The following EIF4B variants were observed in gnomAD, a reference collection of about 807,000 sequenced individuals.
EIF4B encodes the protein eukaryotic translation initiation factor 4B.
In EIF4B, 8 loss-of-function variants were observed where a neutral mutation model predicts 79.3. That is an observed-to-expected ratio of 0.10 (90% confidence interval 0.06 to 0.18). EIF4B has a LOEUF of 0.18. Among genes scored for constraint, EIF4B ranks in the 10% least tolerant of loss-of-function variants. The probability of loss-of-function intolerance (pLI) is 1.00; values close to 1 mark genes in which losing one functional copy is unlikely to be tolerated. For synonymous variants in EIF4B, 238 were observed against 274.7 expected (o/e 0.87, Z 1.32); for missense variants, 515 against 792.4 (o/e 0.65, Z 4.20).
intron 8 of EIF4B, among the ~76,000 whole-genome samples, chr12:53,032,929 C>A (rs1057501838): frequency 3.9e-5 from 6 of 152,134 alleles, no homozygotes; most frequent in African/African-American, 1.2e-4. Flanking sequence ...CCTCAGCCCC[C>A]CAAAGTGCTG....
chr12:53,035,168 C>A (rs1054210472), intron 10 of EIF4B, among the ~76,000 whole-genome samples: 5 of 151,754 alleles, frequency 3.3e-5, no homozygotes, highest in Non-Finnish European at 5.9e-5. Context: ...CTAAATGGTT[C>A]AATTGTAATA....
intron 1 of EIF4B, among the ~76,000 whole-genome samples, chr12:53,006,705 CTT>C (rs1942966541): frequency 6.6e-6 from 1 of 151,722 alleles, no homozygotes; most frequent in Non-Finnish European, 1.5e-5. Context: ...CCCTCACACT[CTT>C]TTCACCCTTT....
chr12:53,036,005 C>G (rs566384231), intron 10 of EIF4B, among the ~76,000 whole-genome samples: 61 of 8,712 alleles, frequency 7.0e-3, no homozygotes, highest in African/African-American at 0.021. Flanking sequence ...GGGCTGGTCT[C>G]AAACTCCTAA....
At chr12:53,033,678 T>C in intron 8 of EIF4B, 128 bp from the exon 9 acceptor site, 1 of 1,019,218 alleles carries the variant, frequency 9.8e-7, no homozygotes. Flanking sequence ...TTGCCTTCTG[T>C]GGATTGGTTA....
At chr12:53,034,933 T>A (rs139778925) in intron 10 of EIF4B, among the ~76,000 whole-genome samples, 219 of 151,074 alleles carry the variant, frequency 1.4e-3, no homozygotes, top group African/African-American at 5.3e-3. Flanking sequence ...AAGTGTATAC[T>A]TGGTTGTTAG....
At chr12:53,020,770 A>G (rs1943235221) in intron 4 of EIF4B, among the ~76,000 whole-genome samples, 1 of 152,204 alleles carries the variant, frequency 6.6e-6, no homozygotes, top group African/African-American at 2.4e-5. Flanking sequence ...GATAACCTGT[A>G]GTCAGTGTGA....
intron 13 of EIF4B, 143 bp from the exon 14 acceptor site, chr12:53,039,487 A>T: frequency 7.9e-7 from 1 of 1,259,946 alleles, no homozygotes; most frequent in South Asian, 1.5e-5. Context: ...AGATTCTGAA[A>T]ATCTAGAAGT....
chr12:53,030,410 A>ATTTTTTTT (rs1555153412), intron 8 of EIF4B, among the ~76,000 whole-genome samples: 7 of 34,186 alleles, frequency 2.0e-4, no homozygotes, highest in East Asian at 1.7e-3. Context: ...AAAAAATTAT[A>ATTTTTTTT]TTCTTTTTTT....
intron 4 of EIF4B, among the ~76,000 whole-genome samples, chr12:53,020,438 G>A (rs1009570894): frequency 6.6e-6 from 1 of 152,112 alleles, no homozygotes; most frequent in African/African-American, 2.4e-5. Flanking sequence ...TGTTGTAATG[G>A]TATATTTGTT....
At chr12:53,007,901 T>G (rs1320191514) in intron 1 of EIF4B, among the ~76,000 whole-genome samples, 1 of 152,208 alleles carries the variant, frequency 6.6e-6, no homozygotes, top group Non-Finnish European at 1.5e-5. Context: ...ATTTCTCAGC[T>G]AAGGAATATT....
At chr12:53,030,410 A>ATTATTTTTTTTTTTTTT (rs1555153412) in intron 8 of EIF4B, among the ~76,000 whole-genome samples, 2 of 34,256 alleles carry the variant, frequency 5.8e-5, no homozygotes, top group South Asian at 1.0e-3. Flanking sequence ...AAAAAATTAT[A>ATTATTTTTTTTTTTTTT]TTCTTTTTTT....
chr12:53,006,472 C>T lies in EIF4B; in HGVS notation c.-12C>T, dbSNP rs755201002. The stretch of plus-strand genomic sequence containing the variant: ...CATCCGGGTCTTTTGCGTTCTCTTT[C>T]CCTCTCCCAACATGGCGGCCTCAGG... On this transcript the variant is annotated 5_prime_UTR_variant, in exon 1 of 15. Transcript: ENST00000262056. 5 of 1,613,456 alleles carry T rather than the reference C, an allele frequency of 3.1e-6. No homozygotes were observed. The highest frequency in any genetic ancestry group is 1.1e-5 in the South Asian group (1 of 91,080).
intron 2 of EIF4B, among the ~76,000 whole-genome samples, chr12:53,018,552 G>T (rs559085252): frequency 6.6e-6 from 1 of 152,242 alleles, no homozygotes; most frequent in Non-Finnish European, 1.5e-5. Context: ...CTGGCACACA[G>T]TAATATTCCA....
At chr12:53,034,176 G>A in intron 9 of EIF4B, 142 bp downstream of exon 9, 1 of 803,820 alleles carries the variant, frequency 1.2e-6, no homozygotes, top group Non-Finnish European at 2.0e-6. Context: ...CTGTGGCCAG[G>A]GGTGTTAGGC....
intron 1 of EIF4B, among the ~76,000 whole-genome samples, chr12:53,011,221 C>G (rs1413028584): frequency 1.3e-5 from 2 of 152,150 alleles, no homozygotes; most frequent in African/African-American, 4.8e-5. Context: ...GAGCCATTAT[C>G]TCACTACTGT....
chr12:53,022,406 G>A, intron 5 of EIF4B, 87 bp from the exon 6 acceptor site: 1 of 1,572,256 alleles, frequency 6.4e-7, no homozygotes, highest in Non-Finnish European at 8.7e-7. Context: ...TGAAAAATAG[G>A]GTAAAATGGG....
At chr12:53,011,788 A>G (rs982707657) in intron 1 of EIF4B, among the ~76,000 whole-genome samples, 5 of 152,206 alleles carry the variant, frequency 3.3e-5, no homozygotes, top group African/African-American at 1.2e-4. Flanking sequence ...CTGTATGGGT[A>G]TATAAAGAGC....
chr12:53,016,910 C>T (rs1198601500), intron 2 of EIF4B, among the ~76,000 whole-genome samples: 1 of 152,102 alleles, frequency 6.6e-6, no homozygotes, highest in Non-Finnish European at 1.5e-5. Flanking sequence ...AGAACTAGAT[C>T]ATCTTTTAAA....
chr12:53,019,109 T>C (rs995155353), intron 3 of EIF4B, 103 bp downstream of exon 3: 3 of 1,355,740 alleles, frequency 2.2e-6, no homozygotes, highest in African/African-American at 1.5e-5. Context: ...ACTAGAAATA[T>C]AATTTAAGGC....
Sources: allele counts gnomAD v4.1 joint callset (sites outside exome capture counted in the v4.1 genomes callset), GRCh38; gene constraint gnomAD v4.1.1; transcripts MANE v1.5; gene names NCBI Gene and HGNC (gene_info 2026-07-23, HGNC 2026-07-21).